Variants in SLC25A21 observed in about 807,000 individuals in gnomAD.
The protein encoded by SLC25A21 is solute carrier family 25 member 21.
SLC25A21 carries 47 observed loss-of-function variants against 43.8 expected under a neutral mutation model. The ratio of observed to expected loss-of-function variants is 1.07; its 90% CI spans 0.85 to 1.37. The LOEUF is 1.37. Among genes scored for constraint, SLC25A21 ranks in the 40% most tolerant of loss-of-function variants. SLC25A21 has a pLI of 0.00. For missense variants in SLC25A21, 352 were observed against 350.2 expected (o/e 1.00, Z -0.04); for synonymous variants, 131 against 121.3 (o/e 1.08, Z -0.52).
rs948052574 is a variant in SLC25A21 at position 36,946,398 on chromosome 14, T to C, written c.71-71394A>G. 3.3e-5 allele frequency among the ~76,000 whole-genome samples: 5 copies of C among 152,154 alleles called. No homozygotes were observed. The South Asian group carries it at 1.0e-3, about 32-fold the overall frequency. On this transcript the variant is annotated intron_variant, in intron 1 of 9. Transcript: ENST00000331299. Reference sequence around the variant, plus strand: ...TGAGGGTAGTTAGTTTAAATGTAATTAATTAAGTTTACCATGAGTAAACTT... The same window carrying C: ...TGAGGGTAGTTAGTTTAAATGTAATCAATTAAGTTTACCATGAGTAAACTT...
intron 1 of SLC25A21, among the ~76,000 whole-genome samples, chr14:36,891,451 A>G (rs1179516861): frequency 4.6e-5 from 7 of 152,198 alleles, no homozygotes; most frequent in Non-Finnish European, 7.3e-5. Flanking sequence ...CAAAATGTGA[A>G]GAGCAACATT....
At chr14:36,910,261 G>C (rs79535315) in intron 1 of SLC25A21, among the ~76,000 whole-genome samples, 1 of 152,128 alleles carries the variant, frequency 6.6e-6, no homozygotes, top group East Asian at 1.9e-4. Context: ...GCATTGGGTC[G>C]TTCTTTCATT....
chr14:37,141,162 T>A (rs913033409), intron 1 of SLC25A21, among the ~76,000 whole-genome samples: 1 of 151,328 alleles, frequency 6.6e-6, no homozygotes, highest in African/African-American at 2.4e-5. Context: ...GAAAAAAAAA[T>A]CTTAGGAACT....
chr14:37,043,600 C>G (rs1052754970), intron 1 of SLC25A21, among the ~76,000 whole-genome samples: 2 of 152,188 alleles, frequency 1.3e-5, no homozygotes, highest in Non-Finnish European at 2.9e-5. Flanking sequence ...TTGCAGGAAG[C>G]TTGCCCTAGT....
intron 2 of SLC25A21, among the ~76,000 whole-genome samples, chr14:36,829,354 T>C (rs1431814849): frequency 6.6e-6 from 1 of 152,150 alleles, no homozygotes; most frequent in Non-Finnish European, 1.5e-5. Context: ...GCATATTTAT[T>C]CATCTGGTTC....
chr14:36,938,604 T>C (rs1566754363), intron 1 of SLC25A21, among the ~76,000 whole-genome samples: 3 of 152,056 alleles, frequency 2.0e-5, no homozygotes, highest in South Asian at 2.1e-4. Context: ...TGATAAATGA[T>C]TGCCAATCAA....
chr14:36,689,027 G>A (rs1882677308), intron 7 of SLC25A21, among the ~76,000 whole-genome samples: 2 of 152,178 alleles, frequency 1.3e-5, no homozygotes, highest in Admixed American at 6.5e-5. Context: ...GTATTAGTCC[G>A]TTTTCACGCT....
chr14:36,729,469 A>AAC, intron 5 of SLC25A21, 38 bp downstream of exon 5: 1 of 1,466,550 alleles, frequency 6.8e-7, no homozygotes, highest in East Asian at 2.4e-5. Context: ...TTTATGAAAT[A>AAC]ACACACACAT....
At position 36,779,891 on chromosome 14, in the gene SLC25A21, G is replaced by A. The variant is rs138362504; in HGVS notation, c.203+34027C>T. Among the ~76,000 whole-genome samples, 288 of 151,790 alleles carry A rather than the reference G, an allele frequency of 1.9e-3. 3 individuals are homozygous for A. The highest frequency in any genetic ancestry group is 6.6e-3 in the African/African-American group (276 of 41,506). On this transcript the variant is annotated intron_variant, in intron 3 of 9. Coordinates refer to ENST00000331299, the MANE Select transcript of SLC25A21 (RefSeq NM_030631.4). Reference sequence around the variant, plus strand: ...CTCTATACTGTTTTCAGTAATGGTTGTACCAATTTATATTCTACCAACAGT... The same window carrying A: ...CTCTATACTGTTTTCAGTAATGGTTATACCAATTTATATTCTACCAACAGT...
chr14:36,926,129 A>C (rs1438866987), intron 1 of SLC25A21, among the ~76,000 whole-genome samples: 1 of 152,196 alleles, frequency 6.6e-6, no homozygotes, highest in Non-Finnish European at 1.5e-5. Context: ...ATCTTAAAAA[A>C]ATTGATGGCA....
chr14:36,896,571 C>G (rs949312168), intron 1 of SLC25A21, among the ~76,000 whole-genome samples: 3 of 152,130 alleles, frequency 2.0e-5, no homozygotes, highest in African/African-American at 7.2e-5. Context: ...TGAGTTTCAT[C>G]CATGTCATTA....
chr14:36,751,178 A>G (rs911594951), intron 3 of SLC25A21, among the ~76,000 whole-genome samples: 3 of 152,174 alleles, frequency 2.0e-5, no homozygotes, highest in Non-Finnish European at 4.4e-5. Context: ...ACTAGTAGAA[A>G]TCTGGGTTGG....
At chr14:36,954,383 T>A (rs543495405) in intron 1 of SLC25A21, among the ~76,000 whole-genome samples, 1 of 152,038 alleles carries the variant, frequency 6.6e-6, no homozygotes, top group Non-Finnish European at 1.5e-5. Flanking sequence ...CCTTACTAAC[T>A]ACAGAGGAAG....
At chr14:36,776,482 C>A (rs1886839807) in intron 3 of SLC25A21, among the ~76,000 whole-genome samples, 1 of 151,858 alleles carries the variant, frequency 6.6e-6, no homozygotes, top group Non-Finnish European at 1.5e-5. Flanking sequence ...TCGTGATCCA[C>A]CCGCCTCGGC....
chr14:36,890,862 C>CTT (rs1264902997), intron 1 of SLC25A21, among the ~76,000 whole-genome samples: 4 of 152,082 alleles, frequency 2.6e-5, no homozygotes, highest in Admixed American at 6.6e-5. Context: ...ACAATATGTA[C>CTT]ACTTTAAGTA....
rs374515035 is a variant in SLC25A21, at chr14:36,853,639, C to T, written c.119+21317G>A. 1.6e-4 allele frequency among the ~76,000 whole-genome samples: 25 copies of T among 152,268 alleles called. 1 individual carries two copies. The highest frequency in any genetic ancestry group is 5.8e-4 in the African/African-American group (24 of 41,548). ...ATTTGGACATGTAAACATGCGCTTA[C>T]TCTACTAAATAGTTGGTTATACAGA... On this transcript the variant is annotated intron_variant, in intron 2 of 9. Transcript: ENST00000331299.
chr14:36,919,886 A>G (rs1366038782), intron 1 of SLC25A21, among the ~76,000 whole-genome samples: 1 of 152,080 alleles, frequency 6.6e-6, no homozygotes, highest in Non-Finnish European at 1.5e-5. Context: ...ATGAAAGTAA[A>G]GATCTTGCCA....
intron 1 of SLC25A21, among the ~76,000 whole-genome samples, chr14:36,945,143 C>T (rs1461341821): frequency 6.6e-6 from 1 of 152,102 alleles, no homozygotes; most frequent in Non-Finnish European, 1.5e-5. Context: ...GAAGTGGTTA[C>T]CCAGTCCATC....
chr14:37,044,430 C>A, intron 1 of SLC25A21, among the ~76,000 whole-genome samples: 1 of 152,068 alleles, frequency 6.6e-6, no homozygotes, highest in Non-Finnish European at 1.5e-5. Flanking sequence ...ACTATTCTTT[C>A]AAACTAAAGG....
Sources: allele counts gnomAD v4.1 joint callset (sites outside exome capture counted in the v4.1 genomes callset), GRCh38; gene constraint gnomAD v4.1.1; transcripts MANE v1.5; gene names NCBI Gene and HGNC (gene_info 2026-07-23, HGNC 2026-07-21).